SLC27A1: variants seen among roughly 807,000 people sequenced by gnomAD.
SLC27A1 encodes the protein long-chain fatty acid transport protein 1.
A neutral mutation model predicts 62.2 loss-of-function variants in SLC27A1; 61 were observed. The ratio of observed to expected loss-of-function variants is 0.98; its 90% CI spans 0.80 to 1.21. The LOEUF (loss-of-function observed/expected upper bound fraction) is 1.21. Among genes scored for constraint, SLC27A1 ranks in the 50% most tolerant of loss-of-function variants. The pLI is 0.00. For synonymous variants in SLC27A1, 435 were observed against 408.6 expected (o/e 1.06, Z -0.78); for missense variants, 903 against 932.1 (o/e 0.97, Z 0.41).
intron 1 of SLC27A1, among the ~76,000 whole-genome samples, chr19:17,483,366 A>C (rs545589118): frequency 6.6e-6 from 1 of 152,012 alleles, no homozygotes; most frequent in South Asian, 2.1e-4. Context: ...TGGTGCCTGG[A>C]AGGTTTCCTG....
At chr19:17,497,811 T>C in intron 7 of SLC27A1, 1 of 299,054 alleles carries the variant, frequency 3.3e-6, no homozygotes, top group Non-Finnish European at 6.3e-6. Context: ...CGTGCTGTTA[T>C]TTTGTTGTTG....
chr19:17,499,643 T>C (rs1341790513), intron 7 of SLC27A1, among the ~76,000 whole-genome samples: 1 of 75,204 alleles, frequency 1.3e-5, no homozygotes, highest in Non-Finnish European at 3.0e-5. Context: ...CCATCTCTAC[T>C]AAAAATACAA....
rs1156806068 is a variant in SLC27A1 at position 17,487,489 on chromosome 19, A to G, written c.754A>G (p.Thr252Ala). The G allele has an allele frequency of 1.3e-6, 2 of 1,579,894 alleles. No individual in the cohort carries two copies. The highest frequency in any genetic ancestry group is 1.4e-5 in the African/African-American group (1 of 70,336). ...TCTTTTCTACATCTACACGTCGGGG[A>G]CCACCGGGCTGCCCAAGGCTGCCAT... is the stretch of plus-strand genomic sequence containing the variant. ...DRLFYIYTSG[T>A]TGLPKAAIVV... Residue 252 changes from threonine (T) to alanine (A), a missense_variant, in exon 4 of 12, where the codon ACC (threonine) becomes GCC (alanine). Thr to Ala is a moderately conservative substitution (Grantham distance 58). Transcript: ENST00000252595.
intron 6 of SLC27A1, among the ~76,000 whole-genome samples, chr19:17,493,440 A>AC (rs1474179244): frequency 1.1e-4 from 17 of 151,448 alleles, no homozygotes; most frequent in Non-Finnish European, 2.4e-4. Context: ...AAAAAAAAAA[A>AC]AAAAAAAAAC....
intron 1 of SLC27A1, among the ~76,000 whole-genome samples, chr19:17,481,610 C>T (rs2075179182): frequency 6.6e-6 from 1 of 152,146 alleles, no homozygotes; most frequent in African/African-American, 2.4e-5. Context: ...CTCAAGCGAT[C>T]CTCCTGCTTC....
In SLC27A1 at chr19:17,479,068, G is replaced by C. The variant is rs1159087489; in HGVS notation, c.168-7495G>C. On this transcript the variant is annotated intron_variant, in intron 1 of 11. Transcript: ENST00000252595. ...GTTATAATGGTGCCACCGCACTCCA[G>C]ACTAGGCAACAGAGTGAGACCCTGT... 2.0e-5 allele frequency among the ~76,000 whole-genome samples: 3 copies of C among 151,998 alleles called. No homozygotes were observed. The East Asian group carries it at 5.8e-4, about 29-fold the overall frequency.
At position 17,505,790 on chromosome 19, in the gene SLC27A1, G is replaced by A; in HGVS notation, c.*1178G>A. ...ACAGGAGAGGCAGCAGAGGGGTCAGGGGAGGTCTCCTGCCGGGGGTTGGCC... is the reference window on the plus strand; with the variant it reads ...ACAGGAGAGGCAGCAGAGGGGTCAGAGGAGGTCTCCTGCCGGGGGTTGGCC... On this transcript the variant is annotated 3_prime_UTR_variant, in exon 12 of 12. Transcript: ENST00000252595. 1 of 152,792 alleles carries A rather than the reference G, an allele frequency of 6.5e-6. No homozygotes were observed. Among genetic ancestry groups the A allele is most frequent in the Non-Finnish European group, 1.5e-5 (1 of 68,448 alleles). The allele number at this position is 152,792 out of a possible 1,614,324, so 9.5% of individuals were successfully genotyped here. A position where few individuals can be genotyped will look rare whatever the true frequency, so the allele number is the denominator to read the frequency against.
intron 1 of SLC27A1, among the ~76,000 whole-genome samples, chr19:17,480,912 C>CGT (rs1568412337): frequency 1.3e-5 from 2 of 150,322 alleles, no homozygotes; most frequent in Non-Finnish European, 3.0e-5. Context: ...ATAACGAAAA[C>CGT]GTGGTATTTG....
chr19:17,483,856 A>G (rs539350881), intron 1 of SLC27A1: 7 of 152,858 alleles, frequency 4.6e-5, no homozygotes, highest in African/African-American at 1.7e-4. Flanking sequence ...GGATGTACCC[A>G]CAGCGACTCC....
Position 17,486,647 on chromosome 19 carries a change from G to T in SLC27A1, c.252G>T (p.Ala84=). The T allele has an allele frequency of 6.2e-7, 1 of 1,605,968 alleles. No homozygotes were observed. The highest frequency in any genetic ancestry group is 8.5e-7 in the Non-Finnish European group (1 of 1,179,180). ...ACACCATCCCGCGCATCTTTCAGGC[G>T]GTAGTGCAGCGACAGCCCGAGCGCC... ...AGHTIPRIFQ[A]VVQRQPERLA... The change falls in exon 2 of 12, where the codon GCG becomes GCT. Residue 84 remains alanine, a synonymous_variant. Coordinates refer to ENST00000252595, the MANE Select transcript of SLC27A1 (RefSeq NM_198580.3). This position sits in a 1 kb window ranked among gnomAD's most constrained non-coding sequence, Gnocchi z 6.6.
chr19:17,478,398 C>T (rs139313131), intron 1 of SLC27A1, among the ~76,000 whole-genome samples: 2,802 of 135,522 alleles, frequency 0.021, 90 homozygotes, highest in African/African-American at 0.073. Flanking sequence ...ACCTGGGAGG[C>T]GGAGTCTGCA....
At chr19:17,472,640 C>T (rs1014214184) in intron 1 of SLC27A1, among the ~76,000 whole-genome samples, 12 of 151,972 alleles carry the variant, frequency 7.9e-5, no homozygotes, top group African/African-American at 9.7e-5. Flanking sequence ...GATTCTCCTG[C>T]GTCAGCCTCC....
In SLC27A1 at chr19:17,505,749, T is replaced by C. The variant is rs1043575532; in HGVS notation, c.*1137T>C. 7.2e-5 allele frequency: 11 copies of C among 152,708 alleles called. No homozygotes were observed. Among genetic ancestry groups the C allele is most frequent in the Non-Finnish European group, 1.0e-4 (7 of 68,496 alleles). 9.5% of individuals were successfully genotyped at this position (152,708 alleles called of 1,614,324 possible). A position where few individuals can be genotyped will look rare whatever the true frequency, so the allele number is the denominator to read the frequency against. On this transcript the variant is annotated 3_prime_UTR_variant, in exon 12 of 12. Coordinates refer to ENST00000252595, the MANE Select transcript of SLC27A1 (RefSeq NM_198580.3). ...CTCCTGGGTGTCCTCATCTGGTGTG[T>C]CTACTGGAGGGTCCCACAGGAGAGG...
chr19:17,472,829 C>CT lies in SLC27A1; in HGVS notation c.167+2130dup, dbSNP rs568990899. ...GGCATGAGCCACCATGCCTGGCTCC[C>CT]TTTTTTTTGAGACAGGGTGTCTTCT... On this transcript the variant is annotated intron_variant, in intron 1 of 11. Coordinates refer to ENST00000252595, the MANE Select transcript of SLC27A1 (RefSeq NM_198580.3). 1.7e-4 allele frequency among the ~76,000 whole-genome samples: 26 copies of CT among 151,780 alleles called. 1 individual carries two copies. Among genetic ancestry groups the CT allele is most frequent in the Non-Finnish European group, 3.4e-4 (23 of 67,928 alleles).
intron 1 of SLC27A1, among the ~76,000 whole-genome samples, chr19:17,471,747 C>A (rs756577288): frequency 6.6e-6 from 1 of 152,124 alleles, no homozygotes; most frequent in Non-Finnish European, 1.5e-5. Context: ...TCTGAACTTT[C>A]TAAAACTCAC....
Position 17,497,241 on chromosome 19 carries a change from A to T in SLC27A1, c.997-14A>T, listed in dbSNP as rs1325259219. The T allele has an allele frequency of 1.9e-6, 3 of 1,575,066 alleles. No homozygotes were observed. The highest frequency in any genetic ancestry group is 2.6e-6 in the Non-Finnish European group (3 of 1,167,708). ...TGCCGGTCCCATCACCCACTTCCTC[A>T]CCCCGTCCCCCAGGTGGTTCAGTAC... On this transcript the variant is annotated splice_polypyrimidine_tract_variant and intron_variant, in intron 6 of 11. Transcript: ENST00000252595.
chr19:17,469,205 T>C (rs1353627156), upstream of SLC27A1, among the ~76,000 whole-genome samples: 3 of 152,004 alleles, frequency 2.0e-5, no homozygotes, highest in South Asian at 2.1e-4. Flanking sequence ...CTTCGGGACA[T>C]GGATTAAGAA....
At chr19:17,488,357 C>T (rs1214120934) in intron 4 of SLC27A1, among the ~76,000 whole-genome samples, 1 of 152,112 alleles carries the variant, frequency 6.6e-6, no homozygotes, top group African/African-American at 2.4e-5. Context: ...GACTCCCTCT[C>T]AAAAAAAGAA....
intron 11 of SLC27A1, 88 bp downstream of exon 11, chr19:17,501,507 A>G: frequency 6.6e-7 from 1 of 1,525,800 alleles, no homozygotes; most frequent in Non-Finnish European, 8.8e-7. Flanking sequence ...TTGCTCTAAA[A>G]GAATACCTGG....
Sources: allele counts gnomAD v4.1 joint callset (sites outside exome capture counted in the v4.1 genomes callset), GRCh38; gene constraint gnomAD v4.1.1; non-coding constraint Gnocchi (gnomAD v3.1); transcripts MANE v1.5; gene names NCBI Gene and HGNC (gene_info 2026-07-23, HGNC 2026-07-21).